Variants in BZW1 observed in about 807,000 individuals in gnomAD.
BZW1 encodes the protein eIF5-mimic protein 2.
BZW1 carries 3 observed loss-of-function variants against 54.1 expected under a neutral mutation model. The ratio of observed to expected loss-of-function variants is 0.06; its 90% CI spans 0.03 to 0.14. The LOEUF is 0.14. Among genes scored for constraint, BZW1 ranks in the 10% least tolerant of loss-of-function variants. The probability of loss-of-function intolerance (pLI) is 1.00; values close to 1 mark genes in which losing one functional copy is unlikely to be tolerated. For synonymous variants in BZW1, 152 were observed against 162.7 expected (o/e 0.93, Z 0.50); for missense variants, 206 against 491.7 (o/e 0.42, Z 5.50).
chr2:200,817,054 C>G, intron 5 of BZW1, 52 bp from the exon 6 acceptor site: 3 of 1,586,736 alleles, frequency 1.9e-6, no homozygotes, highest in Non-Finnish European at 2.6e-6. Flanking sequence ...TACTGCTTCT[C>G]TTATTGTAAT....
rs888389827 is a variant in BZW1 at position 200,818,164 on chromosome 2, G to A, written c.649-59G>A. 3.3e-6 allele frequency: 5 copies of A among 1,512,622 alleles called. No individual in the cohort carries two copies. The African/African-American group carries it at 7.1e-5, about 21-fold the overall frequency. The allele number at this position is 1,512,622 out of a possible 1,614,324, so 93.7% of individuals were successfully genotyped here. ...TTTCTCATTTTTAAGACTGTGAAAAGAAAGTGTTTTTCTTAATCTGATTTA... is the reference window on the plus strand; with the variant it reads ...TTTCTCATTTTTAAGACTGTGAAAAAAAAGTGTTTTTCTTAATCTGATTTA... On this transcript the variant is annotated intron_variant, in intron 7 of 11. Transcript: ENST00000409600.
chr2:200,812,561 G>T (rs2038114368), intron 1 of BZW1: 2 of 1,410,952 alleles, frequency 1.4e-6, no homozygotes, highest in Admixed American at 5.9e-5. Context: ...TGGGCGGGAA[G>T]CGGGTGATCT....
At chr2:200,817,852 T>G in intron 6 of BZW1, 122 bp from the exon 7 acceptor site, 1 of 667,286 alleles carries the variant, frequency 1.5e-6, no homozygotes, top group Non-Finnish European at 2.5e-6. Flanking sequence ...AAGTTCAGGG[T>G]TAAGTTTGTG....
At chr2:200,813,366 A>G in intron 2 of BZW1, 85 bp downstream of exon 2, 1 of 1,206,352 alleles carries the variant, frequency 8.3e-7, no homozygotes, top group Middle Eastern at 2.5e-4. Context: ...CTTGCATATT[A>G]CTAAAGCCTC....
In BZW1 at chr2:200,825,027, A is replaced by G. The variant is rs887462513; in HGVS notation, c.*2849A>G. ...TTTTATTACCATAGATACGCTGTGT[A>G]TGTACTGTTTCTGTGCTTTGTACAT... is the stretch of plus-strand genomic sequence containing the variant. On this transcript the variant is annotated 3_prime_UTR_variant, in exon 12 of 12. Transcript: ENST00000409600. The G allele has an allele frequency of 6.6e-6, 1 of 151,944 alleles. No individual in the cohort carries two copies. The highest frequency in any genetic ancestry group is 2.4e-5 in the African/African-American group (1 of 41,364). 9.4% of individuals were successfully genotyped at this position (151,944 alleles called of 1,614,324 possible).
rs147051245 is a variant in BZW1 at position 200,816,286 on chromosome 2, A to G, written c.337-39A>G. 6.8e-4 allele frequency: 985 copies of G among 1,443,244 alleles called. 3 individuals carry two copies. The African/African-American group carries it at 0.012, about 18-fold the overall frequency. 89.4% of individuals were successfully genotyped at this position (1,443,244 alleles called of 1,614,324 possible). On this transcript the variant is annotated intron_variant, in intron 4 of 11. Coordinates refer to ENST00000409600, the MANE Select transcript of BZW1 (RefSeq NM_001207067.2). Reference sequence around the variant, plus strand: ...GGTTTACTACTTTGCTATTCTAGAAATATATGAAGTTACTGAATTCATTTA... The same window carrying G: ...GGTTTACTACTTTGCTATTCTAGAAGTATATGAAGTTACTGAATTCATTTA...
intron 7 of BZW1, 39 bp from the exon 8 acceptor site, chr2:200,818,184 G>A: frequency 6.6e-7 from 1 of 1,524,426 alleles, no homozygotes; most frequent in South Asian, 1.2e-5. Flanking sequence ...TTCTTAATCT[G>A]ATTTAAAGAA....
chr2:200,819,388 CA>C (rs889506555), intron 9 of BZW1, among the ~76,000 whole-genome samples: 1 of 150,036 alleles, frequency 6.7e-6, no homozygotes, highest in Non-Finnish European at 1.5e-5. Context: ...GATCCTGCCT[CA>C]AAAAAAAGAA....
intron 4 of BZW1, 141 bp downstream of exon 4, chr2:200,815,902 C>A: frequency 1.2e-6 from 1 of 801,424 alleles, no homozygotes; most frequent in Non-Finnish European, 1.9e-6. Context: ...CTTGGTGCAA[C>A]GGGATGAATT....
At chr2:200,813,399 C>G in intron 2 of BZW1, 118 bp downstream of exon 2, 1 of 881,478 alleles carries the variant, frequency 1.1e-6, no homozygotes, top group Non-Finnish European at 1.7e-6. Context: ...CAGAAAGAAA[C>G]TTGAATTTCT....
At chr2:200,819,783 G>A (rs959397903) in intron 9 of BZW1, among the ~76,000 whole-genome samples, 199 bp from the exon 10 acceptor site, 8 of 151,908 alleles carry the variant, frequency 5.3e-5, no homozygotes, top group Admixed American at 6.6e-5. Flanking sequence ...TGATCCACCC[G>A]CCTCGGCCTC....
chr2:200,820,682 T>G (rs2038475928), intron 10 of BZW1, among the ~76,000 whole-genome samples: 1 of 149,576 alleles, frequency 6.7e-6, no homozygotes, highest in Non-Finnish European at 1.5e-5. Flanking sequence ...AGACCCTGTT[T>G]CAAAAAAAAA....
At chr2:200,814,560 T>C (rs962960739) in intron 2 of BZW1, among the ~76,000 whole-genome samples, 1 of 152,212 alleles carries the variant, frequency 6.6e-6, no homozygotes, top group African/African-American at 2.4e-5. Context: ...AAGGCTGTGG[T>C]CTGGGAGCTT....
intron 7 of BZW1, 62 bp downstream of exon 7, chr2:200,818,145 AT>A: frequency 1.3e-6 from 2 of 1,513,238 alleles, no homozygotes; most frequent in Non-Finnish European, 1.8e-6. Flanking sequence ...GAAATTTCTC[AT>A]TTTTAAGACT....
intron 9 of BZW1, among the ~76,000 whole-genome samples, 166 bp from the exon 10 acceptor site, chr2:200,819,816 G>A (rs1360263807): frequency 6.6e-6 from 1 of 152,136 alleles, no homozygotes; most frequent in Non-Finnish European, 1.5e-5. Flanking sequence ...GATTACAGAC[G>A]TGAGCCACTG....
rs1346522548 is a variant in BZW1 at position 200,826,753 on chromosome 2, T to TA, written c.*4576dup. The TA allele has an allele frequency of 8.6e-5, 13 of 151,978 alleles. No individual in the cohort carries two copies. The highest frequency in any genetic ancestry group is 1.2e-4 in the Non-Finnish European group (8 of 67,976). The allele number at this position is 151,978 out of a possible 1,614,324, so 9.4% of individuals were successfully genotyped here. A position where few individuals can be genotyped will look rare whatever the true frequency, so the allele number is the denominator to read the frequency against. On this transcript the variant is annotated 3_prime_UTR_variant, in exon 12 of 12. Transcript: ENST00000409600. Reference sequence around the variant, plus strand: ...TTGTCATCTTATCCAGAAGGACTGATAGCTTGTTAAACTGTGGTATGATTA... The same window carrying TA: ...TTGTCATCTTATCCAGAAGGACTGATAAGCTTGTTAAACTGTGGTATGATTA...
At chr2:200,812,602 T>C in intron 1 of BZW1, 2 of 1,374,076 alleles carry the variant, frequency 1.5e-6, no homozygotes, top group Non-Finnish European at 1.9e-6. Context: ...GGGAAGGGTG[T>C]GGATTGGGAG....
intron 9 of BZW1, among the ~76,000 whole-genome samples, chr2:200,819,641 GC>G (rs34138069): frequency 0.3 from 45,965 of 150,826 alleles, 8,419 homozygotes; most frequent in Non-Finnish European, 0.41. Context: ...GCTCACTGCA[GC>G]CTCCATCTCC....
Position 200,826,451 on chromosome 2 carries a change from G to T in BZW1, c.*4273G>T, listed in dbSNP as rs2038705201. On this transcript the variant is annotated 3_prime_UTR_variant, in exon 12 of 12. Coordinates refer to ENST00000409600, the MANE Select transcript of BZW1 (RefSeq NM_001207067.2). ...TTTTTTTTTTTTTTTTTGAGACAGAGTCTCGCTCTGTCGCCCAGGCGGGAG... is the reference window on the plus strand; with the variant it reads ...TTTTTTTTTTTTTTTTTGAGACAGATTCTCGCTCTGTCGCCCAGGCGGGAG... 1 of 103,820 alleles carries T rather than the reference G, an allele frequency of 9.6e-6. No individual in the cohort carries two copies. The highest frequency in any genetic ancestry group is 1.8e-5 in the Non-Finnish European group (1 of 55,168). The allele number at this position is 103,820 out of a possible 1,614,324, so 6.4% of individuals were successfully genotyped here. A position where few individuals can be genotyped will look rare whatever the true frequency, so the allele number is the denominator to read the frequency against.
Sources: gnomAD v4.1 joint callset for allele counts (sites outside exome capture counted in the v4.1 genomes callset) on GRCh38, gnomAD v4.1.1 for gene constraint, MANE v1.5 for transcripts, NCBI Gene and HGNC (gene_info 2026-07-23, HGNC 2026-07-21) for gene names.